RASEF: variants seen among roughly 807,000 people sequenced by gnomAD.
RASEF encodes the protein RAS and EF-hand domain containing.
Under a neutral mutation model 90.1 loss-of-function variants are expected in RASEF, and 68 were observed. The ratio of observed to expected loss-of-function variants is 0.75; its 90% CI spans 0.62 to 0.92. The LOEUF (loss-of-function observed/expected upper bound fraction) is 0.92, where lower values mean the gene tolerates loss of function less well. RASEF is among the 40% of genes least tolerant of loss of function. The pLI is 0.00. For synonymous variants in RASEF, 331 were observed against 345.2 expected (o/e 0.96, Z 0.46); for missense variants, 949 against 937.2 (o/e 1.01, Z -0.16).
Position 83,063,135 on chromosome 9 carries a change from C to T in RASEF, c.-268G>A, listed in dbSNP as rs1281315821. ...TCCAGGCACCGCCAAGGAGCGCCTCCTGCGACTGAGCGCCCAAGCGCCGAG... is the reference window on the plus strand; with the variant it reads ...TCCAGGCACCGCCAAGGAGCGCCTCTTGCGACTGAGCGCCCAAGCGCCGAG... On this transcript the variant is annotated 5_prime_UTR_variant, in exon 1 of 17. Coordinates refer to ENST00000376447, the MANE Select transcript of RASEF (RefSeq NM_152573.4). 1.1e-5 allele frequency: 5 copies of T among 435,880 alleles called. No homozygotes were observed. The highest frequency in any genetic ancestry group is 5.9e-4 in the Middle Eastern group (1 of 1,700). The allele number at this position is 435,880 out of a possible 1,614,324, so 27.0% of individuals were successfully genotyped here. A position where few individuals can be genotyped will look rare whatever the true frequency, so the allele number is the denominator to read the frequency against.
At chr9:83,088,938 T>A in the RASEF span, among the ~76,000 whole-genome samples, 1 of 152,060 alleles carries the variant, frequency 6.6e-6, no homozygotes, top group Non-Finnish European at 1.5e-5. Flanking sequence ...GATAGATAGA[T>A]GTTACATGTG....
the RASEF span, among the ~76,000 whole-genome samples, chr9:83,088,679 CAA>C: frequency 6.6e-6 from 1 of 151,996 alleles, no homozygotes; most frequent in African/African-American, 2.4e-5. Flanking sequence ...TTGTCTCTAG[CAA>C]AACATTTTGT....
chr9:83,120,526 T>G, the RASEF span, among the ~76,000 whole-genome samples: 2 of 152,120 alleles, frequency 1.3e-5, no homozygotes, highest in Admixed American at 1.3e-4. Context: ...CCCATCCAAA[T>G]GGACATGAGC....
chr9:83,095,908 C>G, the RASEF span, among the ~76,000 whole-genome samples: 4 of 152,118 alleles, frequency 2.6e-5, no homozygotes, highest in Admixed American at 2.6e-4. Flanking sequence ...CCCTCTTTTG[C>G]TTATCCCTGT....
At chr9:83,217,242 C>CA in the RASEF span, among the ~76,000 whole-genome samples, 3 of 152,130 alleles carry the variant, frequency 2.0e-5, no homozygotes, top group African/African-American at 7.2e-5. Context: ...TGTGATTTTA[C>CA]AGGCTCATTG....
At chr9:83,113,160 T>C in the RASEF span, among the ~76,000 whole-genome samples, 4 of 152,224 alleles carry the variant, frequency 2.6e-5, no homozygotes, top group African/African-American at 7.2e-5. Flanking sequence ...GACCATTTCA[T>C]GGACAGTTAT....
At position 83,026,708 on chromosome 9, in the gene RASEF, C is replaced by T. The variant is rs557944722; in HGVS notation, c.432-787G>A. Among the ~76,000 whole-genome samples, 16 of 152,274 alleles carry T rather than the reference C, an allele frequency of 1.1e-4. No homozygotes were observed. The East Asian group carries it at 1.2e-3, about 11-fold the overall frequency. On this transcript the variant is annotated intron_variant, in intron 1 of 16. Coordinates refer to ENST00000376447, the MANE Select transcript of RASEF (RefSeq NM_152573.4). ...AGCAATGAATATACCTATTATGTTA[C>T]GGTCAGCTAAAAGTAACTTCATATA...
the RASEF span, among the ~76,000 whole-genome samples, chr9:83,119,649 T>C: frequency 1.3e-5 from 2 of 152,156 alleles, no homozygotes; most frequent in Non-Finnish European, 2.9e-5. Context: ...TATCTCTCAG[T>C]GCAGCCATGA....
chr9:83,056,605 C>A (rs548305546), intron 1 of RASEF, among the ~76,000 whole-genome samples: 1 of 152,236 alleles, frequency 6.6e-6, no homozygotes, highest in South Asian at 2.1e-4. Context: ...ATAACCTGGG[C>A]AGAAAATAAG....
chr9:83,044,374 G>A (rs946174960), intron 1 of RASEF, among the ~76,000 whole-genome samples: 3 of 152,154 alleles, frequency 2.0e-5, no homozygotes, highest in Non-Finnish European at 4.4e-5. Flanking sequence ...TCAGTTTGAA[G>A]TTATGAGTAT....
the RASEF span, among the ~76,000 whole-genome samples, chr9:83,183,089 C>T: frequency 8.6e-5 from 13 of 152,024 alleles, no homozygotes; most frequent in East Asian, 5.8e-4. Context: ...TTAATTGTGA[C>T]GGCAGTTCCA....
the RASEF span, among the ~76,000 whole-genome samples, chr9:83,163,627 G>C: frequency 3.9e-5 from 6 of 152,098 alleles, no homozygotes; most frequent in Admixed American, 6.6e-5. Context: ...CTGCTGAAGG[G>C]AAAATCTCTG....
At chr9:83,211,957 G>GT in the RASEF span, among the ~76,000 whole-genome samples, 1 of 152,150 alleles carries the variant, frequency 6.6e-6, no homozygotes, top group African/African-American at 2.4e-5. Flanking sequence ...TGTATAATTA[G>GT]TATCACTGTA....
chr9:83,192,175 T>A, the RASEF span, among the ~76,000 whole-genome samples: 2 of 152,182 alleles, frequency 1.3e-5, no homozygotes, highest in African/African-American at 2.4e-5. Context: ...AAAACAGAAC[T>A]ACTGTTCAAC....
At chr9:83,102,769 T>C in the RASEF span, among the ~76,000 whole-genome samples, 3 of 152,140 alleles carry the variant, frequency 2.0e-5, no homozygotes, top group Admixed American at 6.5e-5. Flanking sequence ...GGCCACCCCT[T>C]ATTGTCTGGT....
At chr9:83,137,957 C>T in the RASEF span, among the ~76,000 whole-genome samples, 42 of 151,986 alleles carry the variant, frequency 2.8e-4, no homozygotes, top group Non-Finnish European at 5.4e-4. Flanking sequence ...GATATACAAA[C>T]TTGAACTTTA....
chr9:83,039,834 C>T (rs1371920525), intron 1 of RASEF, among the ~76,000 whole-genome samples: 1 of 152,160 alleles, frequency 6.6e-6, no homozygotes, highest in Non-Finnish European at 1.5e-5. Flanking sequence ...GTCTGTCTTG[C>T]TGGTATCTGG....
chr9:83,197,978 C>A, the RASEF span, among the ~76,000 whole-genome samples: 1 of 152,190 alleles, frequency 6.6e-6, no homozygotes, highest in Non-Finnish European at 1.5e-5. Context: ...ACTTACTTAT[C>A]AGAGAGAATC....
At chr9:82,998,612 G>A (rs1351730306) in intron 12 of RASEF, among the ~76,000 whole-genome samples, 166 bp from the exon 13 acceptor site, 1 of 152,228 alleles carries the variant, frequency 6.6e-6, no homozygotes, top group Non-Finnish European at 1.5e-5. Flanking sequence ...GGAATGACAA[G>A]TCAGACCACA....
Sources: allele counts gnomAD v4.1 joint callset (sites outside exome capture counted in the v4.1 genomes callset), GRCh38; gene constraint gnomAD v4.1.1; transcripts MANE v1.5; gene names NCBI Gene and HGNC (gene_info 2026-07-23, HGNC 2026-07-21).